Variants in RAD18 observed in about 807,000 individuals in gnomAD.
The protein encoded by RAD18 is E3 ubiquitin-protein ligase RAD18.
In RAD18, 47 loss-of-function variants were observed where a neutral mutation model predicts 60.4. That is an observed-to-expected ratio of 0.78 (90% confidence interval 0.62 to 0.99). RAD18 has a LOEUF of 0.99. RAD18 is among the 50% of genes least tolerant of loss of function. The pLI, the probability that RAD18 is intolerant of heterozygous loss-of-function variation, is 0.00. For missense variants in RAD18, 640 were observed against 593.3 expected (o/e 1.08, Z -0.82); for synonymous variants, 225 against 195.5 (o/e 1.15, Z -1.26).
rs78525269 is a variant in RAD18, at chr3:8,957,484, G to T, written c.133+1436C>A. 5.3e-5 allele frequency among the ~76,000 whole-genome samples: 8 copies of T among 152,296 alleles called. No homozygotes were observed. The South Asian group carries it at 1.7e-3, about 32-fold the overall frequency. On this transcript the variant is annotated intron_variant, in intron 2 of 12. Coordinates refer to ENST00000264926, the MANE Select transcript of RAD18 (RefSeq NM_020165.4). ...ACAAGGATAGACATATATGAGTCTA[G>T]CATATAAGCATTTTAAAATATTGTA...
intron 5 of RAD18, among the ~76,000 whole-genome samples, chr3:8,940,591 G>C (rs1046466647): frequency 6.6e-6 from 1 of 152,138 alleles, no homozygotes; most frequent in African/African-American, 2.4e-5. Context: ...CTGCCTAAAA[G>C]GTGCTCTAAA....
At chr3:8,883,707 A>C (rs1282126257) in intron 12 of RAD18, among the ~76,000 whole-genome samples, 1 of 152,170 alleles carries the variant, frequency 6.6e-6, no homozygotes, top group East Asian at 1.9e-4. Context: ...CGGAAGCTCT[A>C]TGAATGAGAG....
chr3:8,923,093 G>A (rs1398798648), intron 7 of RAD18, among the ~76,000 whole-genome samples: 2 of 151,954 alleles, frequency 1.3e-5, no homozygotes, highest in African/African-American at 2.4e-5. Flanking sequence ...AGAGAAGAAC[G>A]CTTCAGATGA....
intron 10 of RAD18, among the ~76,000 whole-genome samples, chr3:8,901,866 C>T (rs1489053037): frequency 6.6e-6 from 1 of 152,168 alleles, no homozygotes; most frequent in East Asian, 1.9e-4. Context: ...GCGCACTTTC[C>T]CCCATTATGA....
chr3:8,927,852 C>A (rs477548), intron 7 of RAD18, among the ~76,000 whole-genome samples: 53 of 150,888 alleles, frequency 3.5e-4, no homozygotes, highest in Non-Finnish European at 5.9e-4. Flanking sequence ...TAGGTGGGAA[C>A]TGAACAATGA....
intron 7 of RAD18, among the ~76,000 whole-genome samples, chr3:8,933,871 T>C (rs1940605474): frequency 1.3e-5 from 2 of 152,184 alleles, no homozygotes; most frequent in African/African-American, 4.8e-5. Flanking sequence ...GGAAGAACTA[T>C]ATTACCAGAC....
At chr3:8,951,937 G>C (rs1158624019) in intron 2 of RAD18, among the ~76,000 whole-genome samples, 1 of 152,208 alleles carries the variant, frequency 6.6e-6, no homozygotes, top group Admixed American at 6.5e-5. Flanking sequence ...CTCCCATGAG[G>C]GGGTGAGGAG....
intron 7 of RAD18, among the ~76,000 whole-genome samples, chr3:8,924,986 T>A (rs1203667231): frequency 6.6e-6 from 1 of 151,926 alleles, no homozygotes; most frequent in Non-Finnish European, 1.5e-5. Context: ...CATCCTAACA[T>A]CACAATTAAA....
intron 7 of RAD18, among the ~76,000 whole-genome samples, chr3:8,923,004 C>A (rs534306340): frequency 2.0e-5 from 3 of 152,276 alleles, no homozygotes; most frequent in African/African-American, 7.2e-5. Flanking sequence ...AAAATCAGAG[C>A]GCCTCTCTTC....
At chr3:8,943,047 A>T (rs1940780630) in intron 4 of RAD18, among the ~76,000 whole-genome samples, 1 of 152,208 alleles carries the variant, frequency 6.6e-6, no homozygotes, top group Non-Finnish European at 1.5e-5. Flanking sequence ...AAACAGACCT[A>T]ACCTAAGAAA....
intron 12 of RAD18, among the ~76,000 whole-genome samples, chr3:8,883,191 A>T (rs531844368): frequency 6.6e-6 from 1 of 152,328 alleles, no homozygotes; most frequent in East Asian, 1.9e-4. Context: ...CCTGGAAGAA[A>T]GGAGAGAAAG....
chr3:8,914,552 T>C (rs1451656197), intron 7 of RAD18, among the ~76,000 whole-genome samples: 2 of 152,226 alleles, frequency 1.3e-5, no homozygotes, highest in African/African-American at 4.8e-5. Context: ...ATTAAAGTTT[T>C]ATTTTTTTTA....
At chr3:8,949,373 C>T (rs1940892099) in intron 2 of RAD18, among the ~76,000 whole-genome samples, 1 of 152,104 alleles carries the variant, frequency 6.6e-6, no homozygotes, top group Admixed American at 6.6e-5. Flanking sequence ...GAGGAGACAG[C>T]ATAATTTCAA....
intron 1 of RAD18, among the ~76,000 whole-genome samples, chr3:8,961,521 T>C (rs908998896): frequency 3.3e-5 from 5 of 152,222 alleles, no homozygotes; most frequent in African/African-American, 1.2e-4. Flanking sequence ...TTAGCAACCA[T>C]GGATTCTGAG....
At chr3:8,923,943 C>T (rs1940377680) in intron 7 of RAD18, among the ~76,000 whole-genome samples, 2 of 152,296 alleles carry the variant, frequency 1.3e-5, no homozygotes, top group African/African-American at 4.8e-5. Context: ...ACAACCAGTA[C>T]CAGCCACTGC....
At chr3:8,892,204 G>GCTGA (rs1252186413) in intron 11 of RAD18, among the ~76,000 whole-genome samples, 2 of 152,142 alleles carry the variant, frequency 1.3e-5, no homozygotes, top group Non-Finnish European at 1.5e-5. Flanking sequence ...TTAAAGTCTA[G>GCTGA]AACGAGGAAC....
In RAD18 at chr3:8,879,428, T is replaced by C. The variant is rs553614494; in HGVS notation, c.*1929A>G. On this transcript the variant is annotated 3_prime_UTR_variant, in exon 13 of 13. Transcript: ENST00000264926. ...GAGAAAAGACCATGCAAGGACACCA[T>C]GAGTGGAAGCCAAGGAGAGAGGCCG... The C allele has an allele frequency of 1.0e-4, 16 of 152,438 alleles. No individual in the cohort carries two copies. The highest frequency in any genetic ancestry group is 3.9e-4 in the East Asian group (2 of 5,186). 9.4% of individuals were successfully genotyped at this position (152,438 alleles called of 1,614,324 possible).
chr3:8,896,100 C>A (rs187540186), intron 11 of RAD18, among the ~76,000 whole-genome samples: 1 of 152,356 alleles, frequency 6.6e-6, no homozygotes, highest in East Asian at 1.9e-4. Context: ...CCCATCTGGG[C>A]ATGCTGTCTT....
chr3:8,923,427 T>A (rs1032413773), intron 7 of RAD18, among the ~76,000 whole-genome samples: 2 of 152,058 alleles, frequency 1.3e-5, no homozygotes, highest in Admixed American at 1.3e-4. Context: ...AAAGACCAAA[T>A]CTACGTCTCA....
Sources: allele counts gnomAD v4.1 joint callset (sites outside exome capture counted in the v4.1 genomes callset), GRCh38; gene constraint gnomAD v4.1.1; transcripts MANE v1.5; gene names NCBI Gene and HGNC (gene_info 2026-07-23, HGNC 2026-07-21).